DIAPH3: variants seen among roughly 807,000 people sequenced by gnomAD.
DIAPH3 encodes the protein protein diaphanous homolog 3.
Under a neutral mutation model 144.3 loss-of-function variants are expected in DIAPH3, and 117 were observed. The ratio of observed to expected loss-of-function variants is 0.81; its 90% CI spans 0.70 to 0.95. The LOEUF is 0.95. DIAPH3 is among the 40% of genes least tolerant of loss of function. The pLI, the probability that DIAPH3 is intolerant of heterozygous loss-of-function variation, is 0.00. For synonymous variants in DIAPH3, 519 were observed against 488.9 expected (o/e 1.06, Z -0.81); for missense variants, 1,421 against 1,412.7 (o/e 1.01, Z -0.09).
chr13:59,747,049 A>C (rs2036741464), intron 27 of DIAPH3, among the ~76,000 whole-genome samples: 1 of 152,222 alleles, frequency 6.6e-6, no homozygotes, highest in Non-Finnish European at 1.5e-5. Context: ...CAAATTGCTT[A>C]ATGCTGCATA....
At chr13:59,824,320 G>C (rs1176130373) in intron 24 of DIAPH3, among the ~76,000 whole-genome samples, 1 of 152,090 alleles carries the variant, frequency 6.6e-6, no homozygotes, top group Non-Finnish European at 1.5e-5. Context: ...AGAGATGCAG[G>C]CTGTTATTAT....
chr13:59,832,912 A>G (rs1188284171), intron 24 of DIAPH3, 195 bp downstream of exon 24: 4 of 561,462 alleles, frequency 7.1e-6, no homozygotes, highest in Non-Finnish European at 1.3e-5. Flanking sequence ...GTCTGATTAC[A>G]GCTTAATGTT....
chr13:59,853,687 T>C (rs780533369), intron 22 of DIAPH3, among the ~76,000 whole-genome samples: 2 of 152,178 alleles, frequency 1.3e-5, no homozygotes, highest in Non-Finnish European at 2.9e-5. Flanking sequence ...TTTGTAACTA[T>C]GCAAAAACGG....
In DIAPH3 at chr13:59,910,737, T is replaced by TAAA. The variant is rs761070763; in HGVS notation, c.2367+995_2367+997dup. Among the ~76,000 whole-genome samples the TAAA allele has an allele frequency of 2.1e-3, 248 of 119,832 alleles. 2 individuals carry two copies. The highest frequency in any genetic ancestry group is 7.0e-4 in the Non-Finnish European group (39 of 55,932). 78.6% of individuals were successfully genotyped at this position (119,832 alleles called of 152,430 possible). ...AGAGCAAGATTCTGTCTCAAGTATTTAAAAAAAAAAAAAAAAAAGTTTTAG... is the reference window on the plus strand; with the variant it reads ...AGAGCAAGATTCTGTCTCAAGTATTTAAAAAAAAAAAAAAAAAAAAAGTTTTAG... On this transcript the variant is annotated intron_variant, in intron 20 of 27. Coordinates refer to ENST00000400324, the MANE Select transcript of DIAPH3 (RefSeq NM_001042517.2).
intron 24 of DIAPH3, among the ~76,000 whole-genome samples, chr13:59,812,293 C>T (rs148480621): frequency 6.9e-5 from 5 of 71,972 alleles, no homozygotes; most frequent in African/African-American, 2.2e-4. Flanking sequence ...TCCATCCATC[C>T]ATCCATCCAT....
At chr13:59,840,002 T>C (rs980389705) in intron 22 of DIAPH3, among the ~76,000 whole-genome samples, 1 of 152,170 alleles carries the variant, frequency 6.6e-6, no homozygotes, top group African/African-American at 2.4e-5. Flanking sequence ...AATAATATTT[T>C]TCCTTCTTTG....
At chr13:60,009,783 C>T (rs339541) in intron 8 of DIAPH3, among the ~76,000 whole-genome samples, 114,718 of 152,068 alleles carry the variant, frequency 0.75, 43,412 homozygotes, top group Admixed American at 0.81. Context: ...GATTTTCAAA[C>T]GAACACAGGA....
intron 4 of DIAPH3, 110 bp from the exon 5 acceptor site, chr13:60,042,930 T>A: frequency 1.6e-6 from 2 of 1,226,542 alleles, no homozygotes; most frequent in Non-Finnish European, 2.3e-6. Flanking sequence ...TAATTAACAC[T>A]ATTTGGGCAA....
At chr13:59,763,309 T>A (rs1210848067) in intron 27 of DIAPH3, among the ~76,000 whole-genome samples, 1 of 151,970 alleles carries the variant, frequency 6.6e-6, no homozygotes, top group Non-Finnish European at 1.5e-5. Flanking sequence ...TATACATGTG[T>A]ATATATGTAT....
intron 27 of DIAPH3, among the ~76,000 whole-genome samples, chr13:59,686,818 C>A (rs921769449): frequency 6.6e-6 from 1 of 151,942 alleles, no homozygotes; most frequent in Non-Finnish European, 1.5e-5. Flanking sequence ...ACCATGTGCA[C>A]CAAAGCATTA....
intron 1 of DIAPH3, among the ~76,000 whole-genome samples, chr13:60,150,189 C>T (rs562491025): frequency 2.6e-3 from 393 of 152,104 alleles, no homozygotes; most frequent in Non-Finnish European, 3.4e-3. Context: ...GCCAGGCTAA[C>T]GTTTTTGTAT....
At chr13:60,021,470 C>CA (rs2054014712) in intron 5 of DIAPH3, among the ~76,000 whole-genome samples, 1 of 151,958 alleles carries the variant, frequency 6.6e-6, no homozygotes, top group South Asian at 2.1e-4. Flanking sequence ...ACTAAAAATA[C>CA]AAAAATAGCC....
intron 20 of DIAPH3, among the ~76,000 whole-genome samples, chr13:59,880,010 A>G (rs927684708): frequency 6.6e-6 from 1 of 152,158 alleles, no homozygotes; most frequent in African/African-American, 2.4e-5. Flanking sequence ...AACACAGGAA[A>G]GTAGAATGAC....
At chr13:59,753,806 T>C (rs1043906957) in intron 27 of DIAPH3, among the ~76,000 whole-genome samples, 1 of 152,180 alleles carries the variant, frequency 6.6e-6, no homozygotes, top group African/African-American at 2.4e-5. Context: ...CTCTGAAAAC[T>C]GTAAAGTGCT....
At chr13:60,013,050 A>G in intron 7 of DIAPH3, 1 of 985,442 alleles carries the variant, frequency 1.0e-6, no homozygotes, top group South Asian at 4.7e-5. Flanking sequence ...TCAACTTACC[A>G]GTGCTCGGAT....
At chr13:59,948,023 C>T (rs1043755950) in intron 17 of DIAPH3, among the ~76,000 whole-genome samples, 1 of 152,154 alleles carries the variant, frequency 6.6e-6, no homozygotes, top group African/African-American at 2.4e-5. Flanking sequence ...TAATGTGAGT[C>T]AGGTATCATA....
At chr13:59,744,507 G>A (rs560117660) in intron 27 of DIAPH3, among the ~76,000 whole-genome samples, 2 of 132,956 alleles carry the variant, frequency 1.5e-5, no homozygotes, top group East Asian at 2.3e-4. Flanking sequence ...AAACCATTAT[G>A]AGATTTTGTG....
chr13:59,848,496 G>A (rs1220346903), intron 22 of DIAPH3, among the ~76,000 whole-genome samples: 1 of 146,494 alleles, frequency 6.8e-6, no homozygotes, highest in African/African-American at 2.5e-5. Flanking sequence ...TCCCCAGAGT[G>A]TGATATTCCC....
intron 4 of DIAPH3, among the ~76,000 whole-genome samples, chr13:60,091,971 T>C (rs1382175373): frequency 1.3e-5 from 2 of 151,918 alleles, no homozygotes; most frequent in Non-Finnish European, 2.9e-5. Flanking sequence ...GCCACCCAAG[T>C]AGCCAGGACT....
Sources: gnomAD v4.1 joint callset for allele counts (sites outside exome capture counted in the v4.1 genomes callset) on GRCh38, gnomAD v4.1.1 for gene constraint, MANE v1.5 for transcripts, NCBI Gene and HGNC (gene_info 2026-07-23, HGNC 2026-07-21) for gene names.